MED13: variants seen among roughly 807,000 people sequenced by gnomAD.
MED13 encodes the protein mediator of RNA polymerase II transcription subunit 13.
MED13 carries 23 observed loss-of-function variants against 225.2 expected under a neutral mutation model. That is an observed-to-expected ratio of 0.10 (90% CI 0.07 to 0.14). The LOEUF (loss-of-function observed/expected upper bound fraction) is 0.14, where lower values mean the gene tolerates loss of function less well. Ranked by LOEUF, MED13 falls within the 10% of genes least tolerant of loss-of-function variation. The probability of loss-of-function intolerance (pLI) is 1.00; values close to 1 mark genes in which losing one functional copy is unlikely to be tolerated. For missense variants in MED13, 2,197 were observed against 2,594.5 expected (o/e 0.85, Z 3.33); for synonymous variants, 942 against 889.2 (o/e 1.06, Z -1.06).
intron 3 of MED13, among the ~76,000 whole-genome samples, chr17:62,041,053 A>C (rs1397800695): frequency 6.6e-6 from 1 of 152,234 alleles, no homozygotes; most frequent in Non-Finnish European, 1.5e-5. Context: ...AGGAACTTAA[A>C]GCAGGGACTT....
rs1309019686 is a variant in MED13 at position 62,010,756 on chromosome 17, T to C, written c.1761A>G (p.Pro587=). ...GTTCTACAGCTTCCTGATATTGAGG[T>C]GGGAAAGACTGGGACAAACTGTCTA... ...DRIDSLSQSF[P]PQYQEAVEPT... The change falls in exon 9 of 30, where the codon CCA becomes CCG. Residue 587 remains proline (P), a synonymous_variant. Coordinates refer to ENST00000397786, the MANE Select transcript of MED13 (RefSeq NM_005121.3). The C allele has an allele frequency of 6.2e-7, 1 of 1,614,082 alleles. No individual in the cohort carries two copies. Among genetic ancestry groups the C allele is most frequent in the Non-Finnish European group, 8.5e-7 (1 of 1,179,966 alleles).
intron 8 of MED13, among the ~76,000 whole-genome samples, chr17:62,015,305 A>G (rs1195574981): frequency 6.6e-6 from 1 of 152,214 alleles, no homozygotes; most frequent in East Asian, 1.9e-4. Flanking sequence ...GATTTGCTTT[A>G]AAAACCTTTA....
chr17:61,985,360 G>A (rs1045856704), intron 12 of MED13, among the ~76,000 whole-genome samples: 1 of 152,096 alleles, frequency 6.6e-6, no homozygotes, highest in African/African-American at 2.4e-5. Context: ...ACAGAAGTAA[G>A]GTTAACCTTA....
At chr17:61,993,658 G>A (rs1157967527) in intron 10 of MED13, among the ~76,000 whole-genome samples, 5 of 151,876 alleles carry the variant, frequency 3.3e-5, no homozygotes, top group East Asian at 1.9e-4. Flanking sequence ...GGCCAGGCAC[G>A]GTGGCTCACG....
intron 9 of MED13, among the ~76,000 whole-genome samples, chr17:61,998,528 A>C (rs571357719): frequency 6.6e-6 from 1 of 152,106 alleles, no homozygotes; most frequent in Admixed American, 6.6e-5. Context: ...CAATTATAGA[A>C]GCAGATAAGC....
rs937838192 is a variant in MED13 at position 61,965,078 on chromosome 17, G to A, written c.4772C>T (p.Ala1591Val). 1 of 1,614,082 alleles carries A rather than the reference G, an allele frequency of 6.2e-7. No individual in the cohort carries two copies. Among genetic ancestry groups the A allele is most frequent in the African/African-American group, 1.3e-5 (1 of 74,944 alleles). ...TCCAGAAATCCCAGCTGTCTGTAGAGCTGATGTCTGTTGCCCTCCTAGCTG... is the reference window on the plus strand; with the variant it reads ...TCCAGAAATCCCAGCTGTCTGTAGAACTGATGTCTGTTGCCCTCCTAGCTG... The part of the protein sequence containing the change: ...SGQLGGQQTS[A>V]LQTAGISGES... The change falls in exon 20 of 30, where the codon GCT becomes GTT. Residue 1591 changes from alanine to valine, a missense_variant. Ala to Val is a moderately conservative substitution (Grantham distance 64). This residue lies in a region of MED13 where 457 missense variants were observed against 442.2 expected (regional missense o/e 1.03). Transcript: ENST00000397786.
At chr17:61,989,489 C>T (rs886661286) in intron 11 of MED13, among the ~76,000 whole-genome samples, 3 of 152,146 alleles carry the variant, frequency 2.0e-5, no homozygotes, top group African/African-American at 7.2e-5. Flanking sequence ...CAGGTGCACG[C>T]CACCACACCT....
intron 2 of MED13, among the ~76,000 whole-genome samples, chr17:62,059,273 G>A (rs1344517409): frequency 6.6e-6 from 1 of 152,082 alleles, no homozygotes; most frequent in East Asian, 1.9e-4. Context: ...GAGCTAAGGG[G>A]GTTAAACAAA....
intron 3 of MED13, among the ~76,000 whole-genome samples, chr17:62,042,722 GGA>G (rs2080864169): frequency 6.6e-6 from 1 of 152,032 alleles, no homozygotes; most frequent in African/African-American, 2.4e-5. Flanking sequence ...TACATGTGTA[GGA>G]GACATATCGG....
At chr17:61,948,902 C>A (rs527852119) in intron 28 of MED13, among the ~76,000 whole-genome samples, 8 of 150,756 alleles carry the variant, frequency 5.3e-5, no homozygotes, top group Non-Finnish European at 1.2e-4. Context: ...CCGGCTAAAA[C>A]GGTGAAACCC....
intron 1 of MED13, among the ~76,000 whole-genome samples, chr17:62,064,106 T>A (rs143777205): frequency 1.3e-5 from 2 of 152,368 alleles, no homozygotes; most frequent in Non-Finnish European, 2.9e-5. Context: ...GATACATGAC[T>A]GGCAGTTTAC....
At chr17:62,007,666 G>A (rs1407117460) in intron 9 of MED13, 1 of 151,954 alleles carries the variant, frequency 6.6e-6, no homozygotes, top group Non-Finnish European at 1.5e-5. Context: ...GGCTAACACG[G>A]TGAAACCCCG....
At chr17:62,048,043 C>CGT (rs1555644430) in intron 3 of MED13, among the ~76,000 whole-genome samples, 2 of 131,144 alleles carry the variant, frequency 1.5e-5, no homozygotes, top group Admixed American at 8.0e-5. Context: ...TATACATATA[C>CGT]ATATATATAT....
In MED13 at chr17:61,984,850, T is replaced by A; in HGVS notation, c.2492A>T (p.His831Leu). The A allele has an allele frequency of 1.2e-6, 2 of 1,612,296 alleles. No homozygotes were observed. Among genetic ancestry groups the A allele is most frequent in the Non-Finnish European group, 1.7e-6 (2 of 1,179,046 alleles). The change falls in exon 14 of 30, where the codon CAT becomes CTT. Residue 831 changes from histidine (H) to leucine (L), a missense_variant. By Grantham distance (99) the His-to-Leu change is moderately conservative. Around this residue, in one of 12 missense-constraint regions of MED13, gnomAD observed 3 missense variants for 22.6 expected, o/e 0.13. Coordinates refer to ENST00000397786, the MANE Select transcript of MED13 (RefSeq NM_005121.3). ...TGATGGTGGTGTAGGATACATTTTA[T>A]GAAGATCTGCAGTGCCTATATTTAA... Reference protein sequence around the residue: ...PLSCISTADLHKMYPTPPSLE... With the variant: ...PLSCISTADLLKMYPTPPSLE...
At chr17:62,029,414 G>A (rs534711454) in intron 8 of MED13, 127 bp downstream of exon 8, 131 of 630,564 alleles carry the variant, frequency 2.1e-4, no homozygotes, top group African/African-American at 1.9e-3. Context: ...TATTTTTCCT[G>A]AATTTTCTTT....
intron 16 of MED13, among the ~76,000 whole-genome samples, chr17:61,979,122 C>T (rs573644979): frequency 1.0e-3 from 154 of 152,208 alleles, no homozygotes; most frequent in Non-Finnish European, 1.9e-3. Context: ...ACTTTATTAA[C>T]GGTAATACAT....
At chr17:62,057,574 A>G (rs1438738453) in intron 2 of MED13, among the ~76,000 whole-genome samples, 3 of 152,374 alleles carry the variant, frequency 2.0e-5, no homozygotes, top group South Asian at 2.1e-4. Flanking sequence ...GGCTGGGACT[A>G]GATTCCTATG....
chr17:61,956,725 G>C (rs760795503), intron 23 of MED13, among the ~76,000 whole-genome samples: 1 of 151,994 alleles, frequency 6.6e-6, no homozygotes, highest in Admixed American at 6.6e-5. Flanking sequence ...ATTTTTAGTA[G>C]AGACGGGGTT....
chr17:62,007,469 T>C (rs955893740), intron 9 of MED13: 7 of 152,154 alleles, frequency 4.6e-5, no homozygotes, highest in African/African-American at 1.7e-4. Context: ...ATCTGAATCA[T>C]GGAAGTTTTA....
Sources: allele counts gnomAD v4.1 joint callset (sites outside exome capture counted in the v4.1 genomes callset), GRCh38; gene constraint gnomAD v4.1.1; regional missense constraint gnomAD v4.1.1; transcripts MANE v1.5; gene names NCBI Gene and HGNC (gene_info 2026-07-23, HGNC 2026-07-21).